Variants in DLG2 observed in about 807,000 individuals in gnomAD.
DLG2 encodes the protein discs large MAGUK scaffold protein 2.
A neutral mutation model predicts 132.5 loss-of-function variants in DLG2; 45 were observed. That is an observed-to-expected ratio of 0.34 (90% CI 0.27 to 0.44). The LOEUF is 0.44. DLG2 is among the 20% of genes least tolerant of loss of function. The probability of loss-of-function intolerance (pLI) is 1.00; values close to 1 mark genes in which losing one functional copy is unlikely to be tolerated. For synonymous variants in DLG2, 424 were observed against 419.6 expected (o/e 1.01, Z -0.13); for missense variants, 1,045 against 1,196.9 (o/e 0.87, Z 1.87).
intron 10 of DLG2, among the ~76,000 whole-genome samples, chr11:84,091,381 A>G (rs59861332): frequency 6.6e-6 from 1 of 152,210 alleles, no homozygotes; most frequent in East Asian, 1.9e-4. Context: ...CTCAGTCTCC[A>G]TCTCTGCTGT....
At chr11:84,638,773 T>G (rs2099645104) in intron 6 of DLG2, among the ~76,000 whole-genome samples, 1 of 152,144 alleles carries the variant, frequency 6.6e-6, no homozygotes. Flanking sequence ...AATTATTAGT[T>G]TGATTTCATA....
intron 6 of DLG2, among the ~76,000 whole-genome samples, chr11:84,549,814 C>T (rs542009366): frequency 3.3e-5 from 5 of 152,100 alleles, no homozygotes; most frequent in East Asian, 3.9e-4. Flanking sequence ...AGTGCAGTGG[C>T]GCAATCTCAG....
At chr11:84,423,455 T>A (rs2098957020) in intron 7 of DLG2, among the ~76,000 whole-genome samples, 1 of 152,158 alleles carries the variant, frequency 6.6e-6, no homozygotes, top group Admixed American at 6.5e-5. Context: ...TATCTTTTTA[T>A]CATCTAAGAT....
intron 6 of DLG2, among the ~76,000 whole-genome samples, chr11:85,034,336 A>G (rs895829851): frequency 6.6e-6 from 1 of 152,038 alleles, no homozygotes; most frequent in Admixed American, 6.6e-5. Context: ...TCGGCCTCCA[A>G]AGTGCTGGGA....
At chr11:83,952,718 A>C (rs1274132931) in intron 14 of DLG2, among the ~76,000 whole-genome samples, 1 of 152,160 alleles carries the variant, frequency 6.6e-6, no homozygotes, top group Admixed American at 6.5e-5. Context: ...CATTGCACAT[A>C]GTATGGTCCA....
At chr11:84,061,523 T>G (rs1894172) in intron 10 of DLG2, among the ~76,000 whole-genome samples, 1 of 152,038 alleles carries the variant, frequency 6.6e-6, no homozygotes, top group East Asian at 1.9e-4. Flanking sequence ...ATTTCAGGTC[T>G]TCCTATTTCA....
rs936327377 is a variant in DLG2 at position 83,980,397 on chromosome 11, C to A, written c.1056+109G>T. 1.1e-5 allele frequency: 14 copies of A among 1,251,880 alleles called. No individual in the cohort carries two copies. The African/African-American group carries it at 1.6e-4, about 14-fold the overall frequency. 77.5% of individuals were successfully genotyped at this position (1,251,880 alleles called of 1,614,324 possible). On this transcript the variant is annotated intron_variant, in intron 12 of 27. Coordinates refer to ENST00000376104, the MANE Select transcript of DLG2 (RefSeq NM_001142699.3). ...AATAGATTTCTGCCATTTTAAGCCA[C>A]CCACCCTGTGGTATTTTGTGATGGC...
chr11:85,366,534 A>T (rs1490533360), intron 3 of DLG2, among the ~76,000 whole-genome samples: 1 of 152,204 alleles, frequency 6.6e-6, no homozygotes, highest in Non-Finnish European at 1.5e-5. Context: ...ATATCCTATT[A>T]AATGGACATT....
chr11:85,173,750 A>AT (rs1375048412), intron 4 of DLG2, among the ~76,000 whole-genome samples: 2 of 152,224 alleles, frequency 1.3e-5, no homozygotes, highest in African/African-American at 4.8e-5. Context: ...AAAGACACAC[A>AT]TAGGCTCAAA....
At chr11:84,706,371 G>T (rs1163917517) in intron 6 of DLG2, among the ~76,000 whole-genome samples, 1 of 151,744 alleles carries the variant, frequency 6.6e-6, no homozygotes, top group Non-Finnish European at 1.5e-5. Flanking sequence ...ATTTCAAACT[G>T]TTCAATAAGT....
At chr11:83,991,852 C>T (rs1565943572) in intron 11 of DLG2, among the ~76,000 whole-genome samples, 1 of 152,056 alleles carries the variant, frequency 6.6e-6, no homozygotes, top group Non-Finnish European at 1.5e-5. Flanking sequence ...ATGTAATTAA[C>T]CTTATTTGGA....
chr11:84,152,194 G>C (rs143655970), intron 9 of DLG2, among the ~76,000 whole-genome samples: 267 of 152,244 alleles, frequency 1.8e-3, no homozygotes, highest in African/African-American at 5.9e-3. Flanking sequence ...CATAGATCTA[G>C]AAGTACCTGT....
intron 6 of DLG2, among the ~76,000 whole-genome samples, chr11:85,086,860 G>C (rs187858694): frequency 6.6e-6 from 1 of 152,260 alleles, no homozygotes; most frequent in East Asian, 1.9e-4. Flanking sequence ...TTTTCTTATA[G>C]CACAAAAGCA....
intron 8 of DLG2, among the ~76,000 whole-genome samples, chr11:84,170,036 T>C (rs1173142470): frequency 6.6e-6 from 1 of 152,226 alleles, no homozygotes; most frequent in Non-Finnish European, 1.5e-5. Flanking sequence ...TATCCTCATG[T>C]TCATGAGAGC....
chr11:84,045,576 C>G (rs1156246971), intron 11 of DLG2, among the ~76,000 whole-genome samples: 1 of 151,686 alleles, frequency 6.6e-6, no homozygotes, highest in Non-Finnish European at 1.5e-5. Flanking sequence ...CAATTTTATA[C>G]TACAATAACA....
intron 6 of DLG2, among the ~76,000 whole-genome samples, chr11:84,979,604 A>C (rs531251065): frequency 6.6e-6 from 1 of 152,216 alleles, no homozygotes; most frequent in Non-Finnish European, 1.5e-5. Flanking sequence ...GGAACTGAAC[A>C]ATGAGAACAC....
chr11:84,926,594 T>G (rs750971528), intron 6 of DLG2, among the ~76,000 whole-genome samples: 1 of 151,888 alleles, frequency 6.6e-6, no homozygotes, highest in African/African-American at 2.4e-5. Flanking sequence ...GTGTGGGGTG[T>G]GGGTGTGTGT....
At chr11:84,159,329 G>A (rs960798163) in intron 9 of DLG2, among the ~76,000 whole-genome samples, 1 of 152,056 alleles carries the variant, frequency 6.6e-6, no homozygotes, top group African/African-American at 2.4e-5. Context: ...AATAAAATGG[G>A]AAAAAAGAAT....
intron 11 of DLG2, among the ~76,000 whole-genome samples, chr11:84,032,563 C>T (rs78156421): frequency 0.012 from 1,858 of 152,220 alleles, 37 homozygotes; most frequent in African/African-American, 0.043. Flanking sequence ...CATGAAAGTG[C>T]AAGGTGAAGC....
Sources: gnomAD v4.1 joint callset for allele counts (sites outside exome capture counted in the v4.1 genomes callset) on GRCh38, gnomAD v4.1.1 for gene constraint, MANE v1.5 for transcripts, NCBI Gene and HGNC (gene_info 2026-07-23, HGNC 2026-07-21) for gene names.